DNAJC13: variants seen among roughly 807,000 people sequenced by gnomAD.
DNAJC13 encodes dnaJ homolog subfamily C member 13.
In DNAJC13, 75 loss-of-function variants were observed where a neutral mutation model predicts 290.5. The ratio of observed to expected loss-of-function variants is 0.26; its 90% CI spans 0.21 to 0.31. DNAJC13 has a LOEUF of 0.31. Ranked by LOEUF, DNAJC13 falls within the 10% of genes least tolerant of loss-of-function variation. The pLI is 1.00. For missense variants in DNAJC13, 2,260 were observed against 2,674.5 expected (o/e 0.85, Z 3.42); for synonymous variants, 862 against 892.0 (o/e 0.97, Z 0.60).
At chr3:132,481,038 A>G (rs1206223777) in intron 26 of DNAJC13, among the ~76,000 whole-genome samples, 2 of 152,174 alleles carry the variant, frequency 1.3e-5, no homozygotes, top group Admixed American at 6.6e-5. Context: ...GTACACATAC[A>G]ATACATTAAC....
Position 132,475,087 on chromosome 3 carries a change from TA to T in DNAJC13, c.2445+5del. ...TCCTGGAACCACCATGAGTTTGAGG[TA>T]AAGTTTGATTTTTCCAGTATATTAA... is the stretch of plus-strand genomic sequence containing the variant. On this transcript the variant is annotated splice_donor_region_variant and intron_variant, in intron 22 of 55. Coordinates refer to ENST00000260818, the MANE Select transcript of DNAJC13 (RefSeq NM_015268.4). The T allele has an allele frequency of 6.3e-7, 1 of 1,576,030 alleles. No homozygotes were observed. The highest frequency in any genetic ancestry group is 8.6e-7 in the Non-Finnish European group (1 of 1,162,874).
chr3:132,438,550 G>A (rs781023208), intron 2 of DNAJC13, among the ~76,000 whole-genome samples: 5 of 152,136 alleles, frequency 3.3e-5, no homozygotes, highest in Admixed American at 2.0e-4. Flanking sequence ...GCCTATTTCC[G>A]TGTTGCTAAC....
At position 132,538,446 on chromosome 3, in the gene DNAJC13, T is replaced by C. The variant is rs956372930; in HGVS notation, c.*164T>C. ...AGGAAAAAAAGTCAGTGATCCTAAT[T>C]GTATCACATTATAAGAAAGCACTCT... On this transcript the variant is annotated 3_prime_UTR_variant, in exon 56 of 56. Coordinates refer to ENST00000260818, the MANE Select transcript of DNAJC13 (RefSeq NM_015268.4). 2 of 570,536 alleles carry C rather than the reference T, an allele frequency of 3.5e-6. No homozygotes were observed. Among genetic ancestry groups the C allele is most frequent in the East Asian group, 5.9e-5 (2 of 33,822 alleles). The allele number at this position is 570,536 out of a possible 1,614,324, so 35.3% of individuals were successfully genotyped here. A position where few individuals can be genotyped will look rare whatever the true frequency, so the allele number is the denominator to read the frequency against.
At chr3:132,432,055 G>GT (rs1345651794) in intron 1 of DNAJC13, among the ~76,000 whole-genome samples, 1 of 152,112 alleles carries the variant, frequency 6.6e-6, no homozygotes, top group Non-Finnish European at 1.5e-5. Flanking sequence ...TTTCTGAAAA[G>GT]TTTTTTCTAA....
chr3:132,509,813 T>G (rs1935712361), intron 43 of DNAJC13, among the ~76,000 whole-genome samples: 1 of 152,256 alleles, frequency 6.6e-6, no homozygotes, highest in Non-Finnish European at 1.5e-5. Context: ...GCACGTAGTT[T>G]TTTTTAGACA....
intron 20 of DNAJC13, among the ~76,000 whole-genome samples, chr3:132,472,754 T>C (rs1934328750): frequency 6.6e-6 from 1 of 152,230 alleles, no homozygotes; most frequent in Non-Finnish European, 1.5e-5. Context: ...GGTAGCACTT[T>C]AACAACCTGT....
chr3:132,422,888 C>T (rs780981197), intron 1 of DNAJC13, among the ~76,000 whole-genome samples: 1 of 152,142 alleles, frequency 6.6e-6, no homozygotes, highest in Non-Finnish European at 1.5e-5. Flanking sequence ...TCAAGTTGCC[C>T]TTAGAAGAAC....
In DNAJC13 at chr3:132,469,785, A is replaced by G. The variant is rs58808668; in HGVS notation, c.2208+2472A>G. Among the ~76,000 whole-genome samples, 1,177 of 151,694 alleles carry G rather than the reference A, an allele frequency of 7.8e-3. 8 individuals carry two copies. The highest frequency in any genetic ancestry group is 0.027 in the African/African-American group (1,115 of 41,466). On this transcript the variant is annotated intron_variant, in intron 20 of 55. Transcript: ENST00000260818. ...TATATTTGAAATAATATCTTTTAAA[A>G]TTTATTTTACCTTTTTTCTTTCTAT...
chr3:132,420,997 A>G (rs1938943397), intron 1 of DNAJC13, among the ~76,000 whole-genome samples: 1 of 152,264 alleles, frequency 6.6e-6, no homozygotes, highest in African/African-American at 2.4e-5. Context: ...TGTTTTGTAC[A>G]TGTTAAATAC....
intron 4 of DNAJC13, 99 bp downstream of exon 4, chr3:132,447,569 AC>A: frequency 8.4e-7 from 1 of 1,187,154 alleles, no homozygotes; most frequent in Non-Finnish European, 1.1e-6. Flanking sequence ...CTGCCCCTGT[AC>A]CCACTATGAT....
At chr3:132,455,740 A>G (rs1028163082) in intron 9 of DNAJC13, among the ~76,000 whole-genome samples, 4 of 152,252 alleles carry the variant, frequency 2.6e-5, no homozygotes, top group Admixed American at 2.6e-4. Flanking sequence ...ACCTAAGACT[A>G]CATATTCTAT....
At chr3:132,538,140 T>C (rs1295559290) in intron 55 of DNAJC13, 36 bp from the exon 56 acceptor site, 3 of 1,569,520 alleles carry the variant, frequency 1.9e-6, no homozygotes, top group Non-Finnish European at 1.7e-6. Flanking sequence ...ACTTGACTGC[T>C]TTCTAGAGGT....
chr3:132,434,617 A>G lies in DNAJC13; in HGVS notation c.67A>G (p.Lys23Glu). ...CACAACAAAACATTCATGGAGGGGG[A>G]AGTAAGTATTCTTGTTGGGTTTTTT... The part of the protein sequence containing the change: ...FYTTKHSWRG[K>E]YKRVFSVGTH... Residue 23 changes from lysine (K) to glutamate (E), a missense_variant and splice_region_variant, in exon 2 of 56, where the codon AAG becomes GAG. Around this residue, in one of 3 missense-constraint regions of DNAJC13, gnomAD observed 762 missense variants for 964.1 expected, o/e 0.79. Transcript: ENST00000260818. 6.2e-7 allele frequency: 1 copy of G among 1,602,600 alleles called. No homozygotes were observed. Among genetic ancestry groups the G allele is most frequent in the Non-Finnish European group, 8.5e-7 (1 of 1,176,046 alleles).
rs145990415 is a variant in DNAJC13, at chr3:132,479,845, T to C, written c.2773-524T>C. ...AGCGGATTTTCATTTCTTAAAACTTTGATACTAATACCAATTTGCATAGTT... is the reference window on the plus strand; with the variant it reads ...AGCGGATTTTCATTTCTTAAAACTTCGATACTAATACCAATTTGCATAGTT... On this transcript the variant is annotated intron_variant, in intron 25 of 55. Transcript: ENST00000260818. 9.4e-4 allele frequency among the ~76,000 whole-genome samples: 143 copies of C among 152,276 alleles called. 1 individual carries two copies. Among genetic ancestry groups the C allele is most frequent in the African/African-American group, 3.3e-3 (138 of 41,586 alleles).
At chr3:132,503,643 A>T (rs542229033) in intron 41 of DNAJC13, among the ~76,000 whole-genome samples, 3 of 152,204 alleles carry the variant, frequency 2.0e-5, no homozygotes, top group Non-Finnish European at 4.4e-5. Flanking sequence ...TCACAAAGGG[A>T]CAGGACGAGA....
chr3:132,471,651 GGCC>G (rs1934265322), intron 20 of DNAJC13, among the ~76,000 whole-genome samples: 1 of 131,028 alleles, frequency 7.6e-6, no homozygotes, highest in Non-Finnish European at 1.6e-5. Context: ...GACGATGGGC[GGCC>G]GGGCAGAGAC....
intron 2 of DNAJC13, 79 bp from the exon 3 acceptor site, chr3:132,446,392 CTGTT>C (rs377054120): frequency 9.1e-5 from 82 of 904,502 alleles, no homozygotes; most frequent in East Asian, 6.5e-4. Context: ...ATGTATTGAA[CTGTT>C]TGTTTTGTGT....
chr3:132,477,833 T>C lies in DNAJC13; in HGVS notation c.2490T>C (p.Tyr830=). ...CAGAGGAAATTAAAATAGGAGACTATTACCTGAGATTACTATTGGAGGAAG... is the reference window on the plus strand; with the variant it reads ...CAGAGGAAATTAAAATAGGAGACTACTACCTGAGATTACTATTGGAGGAAG... The part of the protein sequence containing the change: ...CLAEEIKIGD[Y]YLRLLLEEDE... Residue 830 remains tyrosine (Y), a synonymous_variant, in exon 23 of 56, where the codon TAT becomes TAC. Coordinates refer to ENST00000260818, the MANE Select transcript of DNAJC13 (RefSeq NM_015268.4). The C allele has an allele frequency of 6.2e-7, 1 of 1,613,334 alleles. No homozygotes were observed. The highest frequency in any genetic ancestry group is 8.5e-7 in the Non-Finnish European group (1 of 1,179,712).
chr3:132,523,761 A>G, intron 51 of DNAJC13, 48 bp downstream of exon 51: 1 of 1,556,942 alleles, frequency 6.4e-7, no homozygotes, highest in Non-Finnish European at 8.7e-7. Flanking sequence ...GGCTAACTAG[A>G]CTGATGGTGT....
Sources: gnomAD v4.1 joint callset for allele counts (sites outside exome capture counted in the v4.1 genomes callset) on GRCh38, gnomAD v4.1.1 for gene constraint, gnomAD v4.1.1 regional missense constraint, MANE v1.5 for transcripts, NCBI Gene and HGNC (gene_info 2026-07-23, HGNC 2026-07-21) for gene names.